Variants in GARNL3 observed in about 807,000 individuals in gnomAD.
GARNL3 encodes GTPase activating Rap/RanGAP domain like 3.
Under a neutral mutation model 125.0 loss-of-function variants are expected in GARNL3, and 63 were observed. The observed-to-expected ratio is 0.50, with a 90% CI of 0.41 to 0.62. GARNL3 has a LOEUF of 0.62. Ranked by LOEUF, GARNL3 falls within the 20% of genes least tolerant of loss-of-function variation. GARNL3 has a pLI of 0.00. For synonymous variants in GARNL3, 439 were observed against 457.5 expected, an observed-to-expected ratio of 0.96 and a Z score of 0.52; for missense variants, 994 against 1,244.0, an observed-to-expected ratio of 0.80 and a Z score of 3.02.
intron 2 of GARNL3, among the ~76,000 whole-genome samples, chr9:127,311,214 A>G (rs1321305168): frequency 1.3e-5 from 2 of 151,772 alleles, no homozygotes; most frequent in Non-Finnish European, 2.9e-5. Flanking sequence ...ATTAAGAAAA[A>G]TACGTATGTA....
chr9:127,368,031 T>A (rs1831382214), intron 22 of GARNL3, among the ~76,000 whole-genome samples: 1 of 131,744 alleles, frequency 7.6e-6, no homozygotes, highest in Non-Finnish European at 1.7e-5. Flanking sequence ...TTTTTTTTTT[T>A]TGAGGTGGAG....
At chr9:127,391,470 C>T (rs115451463) in intron 27 of GARNL3, among the ~76,000 whole-genome samples, 1,703 of 137,380 alleles carry the variant, frequency 0.012, 41 homozygotes, top group African/African-American at 0.043. Flanking sequence ...GAGAAGGTCA[C>T]ATGAGCCCAA....
chr9:127,236,278 AAGTT>A (rs751687612), intron 1 of GARNL3, among the ~76,000 whole-genome samples: 18 of 152,248 alleles, frequency 1.2e-4, no homozygotes, highest in Non-Finnish European at 2.2e-4. Context: ...AAGCATCTAT[AAGTT>A]AGACTAGTAT....
At chr9:127,382,825 G>A (rs901497973) in intron 22 of GARNL3, among the ~76,000 whole-genome samples, 20 of 152,152 alleles carry the variant, frequency 1.3e-4, no homozygotes, top group African/African-American at 4.8e-4. Context: ...ACAAGCGTAT[G>A]GCTTCAAGTC....
At chr9:127,353,575 A>T in intron 17 of GARNL3, 1 of 325,342 alleles carries the variant, frequency 3.1e-6, no homozygotes, top group Non-Finnish European at 5.6e-6. Flanking sequence ...TGATGAACAA[A>T]AATAGCGTTT....
chr9:127,243,635 C>T (rs371877645), intron 2 of GARNL3, among the ~76,000 whole-genome samples: 1 of 152,204 alleles, frequency 6.6e-6, no homozygotes, highest in African/African-American at 2.4e-5. Context: ...TCTGTGCCAG[C>T]AACCTACTGG....
At chr9:127,379,673 C>T (rs867993242) in intron 22 of GARNL3, among the ~76,000 whole-genome samples, 52 of 152,206 alleles carry the variant, frequency 3.4e-4, no homozygotes, top group Admixed American at 2.6e-3. Flanking sequence ...TAAATGGAAA[C>T]AGGAGGAAAC....
At chr9:127,305,544 G>A (rs1303438437) in intron 2 of GARNL3, among the ~76,000 whole-genome samples, 2 of 151,966 alleles carry the variant, frequency 1.3e-5, no homozygotes, top group South Asian at 2.1e-4. Context: ...AAGTGAAATA[G>A]GTAACTTTTA....
At chr9:127,262,284 A>G (rs2063610057), upstream of GARNL3, among the ~76,000 whole-genome samples, 2 of 152,324 alleles carry the variant, frequency 1.3e-5, no homozygotes, top group Non-Finnish European at 2.9e-5. Flanking sequence ...ATATTCTAGT[A>G]CAGATGTTTT....
Position 127,333,166 on chromosome 9 carries a change from T to C in GARNL3, c.769+45T>C, listed in dbSNP as rs190312273. 2.7e-4 allele frequency: 400 copies of C among 1,491,246 alleles called. 2 individuals carry two copies. The highest frequency in any genetic ancestry group is 3.3e-5 in the Non-Finnish European group (35 of 1,069,648). 92.4% of individuals were successfully genotyped at this position (1,491,246 alleles called of 1,614,324 possible). ...TATTCTGTTGTAATTTGTATAACTT[T>C]TGTAAGTCAGCCTGACCCGTGTCTG... On this transcript the variant is annotated intron_variant, in intron 9 of 27. Transcript: ENST00000373387.
chr9:127,343,428 C>A (rs1829974986), intron 14 of GARNL3, among the ~76,000 whole-genome samples: 1 of 152,234 alleles, frequency 6.6e-6, no homozygotes, highest in Non-Finnish European at 1.5e-5. Flanking sequence ...CTGAGCCAGG[C>A]TTCCCTAGCC....
chr9:127,244,071 A>C (rs2063251248), intron 2 of GARNL3, among the ~76,000 whole-genome samples: 1 of 152,234 alleles, frequency 6.6e-6, no homozygotes. Flanking sequence ...CAGAATCACC[A>C]GTGGGACTTT....
chr9:127,372,438 G>T (rs1831660018), intron 22 of GARNL3, among the ~76,000 whole-genome samples: 1 of 152,166 alleles, frequency 6.6e-6, no homozygotes, highest in Admixed American at 6.6e-5. Context: ...ATCTATATTT[G>T]TAAAACAATG....
chr9:127,238,786 C>A (rs2131156512), intron 1 of GARNL3, among the ~76,000 whole-genome samples: 1 of 152,306 alleles, frequency 6.6e-6, no homozygotes, highest in South Asian at 2.1e-4. Context: ...GATCTGTACT[C>A]CTCATCTGTC....
intron 2 of GARNL3, among the ~76,000 whole-genome samples, chr9:127,254,993 C>T (rs2063472844): frequency 6.6e-6 from 1 of 152,198 alleles, no homozygotes; most frequent in Admixed American, 6.5e-5. Context: ...AAACTAATGC[C>T]TGACAATCCC....
At chr9:127,345,548 G>T in intron 16 of GARNL3, 71 bp downstream of exon 16, 1 of 1,036,862 alleles carries the variant, frequency 9.6e-7, no homozygotes, top group South Asian at 1.5e-5. Context: ...TGAGATTATT[G>T]GAAAAAGGTT....
intron 1 of GARNL3, among the ~76,000 whole-genome samples, chr9:127,234,740 A>G (rs1274269357): frequency 6.6e-6 from 1 of 152,232 alleles, no homozygotes; most frequent in Non-Finnish European, 1.5e-5. Flanking sequence ...TCCAGGTACC[A>G]GCAGATTTGG....
intron 27 of GARNL3, among the ~76,000 whole-genome samples, chr9:127,391,533 A>AAAAAGAATATATATATATATAT: frequency 5.3e-5 from 4 of 75,846 alleles, no homozygotes; most frequent in African/African-American, 1.6e-4. Context: ...ACAAAAAAAA[A>AAAAAGAATATATATATATATAT]ATATATATAT....
intron 1 of GARNL3, among the ~76,000 whole-genome samples, chr9:127,226,372 C>T (rs1042253081): frequency 2.6e-5 from 4 of 152,232 alleles, no homozygotes; most frequent in African/African-American, 9.6e-5. Flanking sequence ...CTTGGCATTC[C>T]CTGCCTCACC....
Sources: allele counts gnomAD v4.1 joint callset (sites outside exome capture counted in the v4.1 genomes callset), GRCh38; gene constraint gnomAD v4.1.1; transcripts MANE v1.5; gene names NCBI Gene and HGNC (gene_info 2026-07-23, HGNC 2026-07-21).